EPS8L1: variants seen among roughly 807,000 people sequenced by gnomAD.
EPS8L1 encodes the protein epidermal growth factor receptor kinase substrate 8-like protein 1.
EPS8L1 carries 101 observed loss-of-function variants against 91.7 expected under a neutral mutation model. The observed-to-expected ratio is 1.10, with a 90% confidence interval of 0.94 to 1.30. EPS8L1 has a LOEUF of 1.30. Among genes scored for constraint, EPS8L1 ranks in the 50% most tolerant of loss-of-function variants. The pLI is 0.00. For missense variants in EPS8L1, 1,114 were observed against 1,017.0 expected, an observed-to-expected ratio of 1.10 and a Z score of -1.30; for synonymous variants, 506 against 445.3, an observed-to-expected ratio of 1.14 and a Z score of -1.72.
In EPS8L1 at chr19:55,082,721, TGGCTTAGTTGTGTTGGGGCGG is replaced by T. The variant is rs2076296949; in HGVS notation, c.1214+127_1214+147del. On this transcript the variant is annotated intron_variant, in intron 12 of 19. Transcript: ENST00000201647. Reference sequence around the variant, plus strand: ...GGAGAGTAGGGAGGGGTTAGAGGCGTGGCTTAGTTGTGTTGGGGCGGGGCTTAGGACAGATGCCAAGATTCA... The same window carrying T: ...GGAGAGTAGGGAGGGGTTAGAGGCGTGGCTTAGGACAGATGCCAAGATTCA... The T allele has an allele frequency of 8.6e-6, 8 of 932,086 alleles. No individual in the cohort carries two copies. In the South Asian group the frequency reaches 1.4e-4, roughly 16 times the overall value. The allele number at this position is 932,086 out of a possible 1,614,324, so 57.7% of individuals were successfully genotyped here. A position where few individuals can be genotyped will look rare whatever the true frequency, so the allele number is the denominator to read the frequency against.
Position 55,082,177 on chromosome 19 carries a change from G to T in EPS8L1, c.987G>T (p.Leu329=). ...AGAAGATCAAGTACGCCTTCAGCCT[G>T]CTGGTGAGGACGCGCCCGCCCCTGG... ...VLQKIKYAFS[L]LARLRGNIAD... Residue 329 remains leucine (L), a synonymous_variant, in exon 10 of 20, where the codon CTG becomes CTT. Transcript: ENST00000201647. 1 of 1,596,608 alleles carries T rather than the reference G, an allele frequency of 6.3e-7. No homozygotes were observed. The highest frequency in any genetic ancestry group is 8.5e-7 in the Non-Finnish European group (1 of 1,171,838).
Position 55,079,862 on chromosome 19 carries a change from G to T in EPS8L1, c.279+11G>T, listed in dbSNP as rs201391252. 3 of 1,605,200 alleles carry T rather than the reference G, an allele frequency of 1.9e-6. No homozygotes were observed. The highest frequency in any genetic ancestry group is 1.7e-6 in the Non-Finnish European group (2 of 1,175,892). On this transcript the variant is annotated intron_variant, in intron 5 of 19. Transcript: ENST00000201647. ...GACCCGGCCTCCAAGGTGCCGGGGG[G>T]CACGTGGGTGGGAGGAGTGTCTGGG...
chr19:55,086,200 A>C lies in EPS8L1; in HGVS notation c.1650+8A>C, dbSNP rs780886856. ...AGCCCTGCCCGCAGCCTGGTGAGCC[A>C]GCGCAGACGCTGGGATCTTGAGGGT... is the stretch of plus-strand genomic sequence containing the variant. On this transcript the variant is annotated splice_region_variant and intron_variant, in intron 16 of 19. Transcript: ENST00000201647. The C allele has an allele frequency of 6.3e-7, 1 of 1,592,522 alleles. No individual in the cohort carries two copies. The highest frequency in any genetic ancestry group is 8.6e-7 in the Non-Finnish European group (1 of 1,168,992).
chr19:55,086,820 G>C lies in EPS8L1; in HGVS notation c.1884G>C (p.Pro628=). ...RAVPGPRAPE[P]QLSPGSDASE... is the part of the protein sequence containing the mutation. ...TCCCAGGGCCCCGCGCCCCGGAACC[G>C]CAGCTCAGCCCGGGCTCGGACGCCT... Residue 628 remains proline, a synonymous_variant, in exon 18 of 20, where the codon CCG becomes CCC. Coordinates refer to ENST00000201647, the MANE Select transcript of EPS8L1 (RefSeq NM_133180.3). 6.3e-7 allele frequency: 1 copy of C among 1,575,816 alleles called. No individual in the cohort carries two copies. The highest frequency in any genetic ancestry group is 8.6e-7 in the Non-Finnish European group (1 of 1,161,786).
chr19:55,076,381 G>A, intron 1 of EPS8L1, 27 bp from the exon 2 acceptor site: 1 of 1,602,014 alleles, frequency 6.2e-7, no homozygotes, highest in South Asian at 1.1e-5. Context: ...CTACTGGCCA[G>A]GCCTTCACAT....
intron 7 of EPS8L1, 73 bp downstream of exon 7, chr19:55,080,927 G>A: frequency 7.3e-7 from 1 of 1,365,802 alleles, no homozygotes; most frequent in South Asian, 1.4e-5. Context: ...TACAACACCA[G>A]CCTGGAACAG....
At position 55,080,941 on chromosome 19, in the gene EPS8L1, AAG is replaced by A. The variant is rs2076245210; in HGVS notation, c.512+90_512+91del. The A allele has an allele frequency of 2.9e-5, 37 of 1,296,050 alleles. No individual in the cohort carries two copies. In the South Asian group the frequency reaches 5.3e-4, roughly 18 times the overall value. The allele number at this position is 1,296,050 out of a possible 1,614,324, so 80.3% of individuals were successfully genotyped here. A position where few individuals can be genotyped will look rare whatever the true frequency, so the allele number is the denominator to read the frequency against. Reference sequence around the variant, plus strand: ...CTACAACACCAGCCTGGAACAGAACAAGAGTTTTGCATGGAGTCAAGCACACC... The same window carrying A: ...CTACAACACCAGCCTGGAACAGAACAAGTTTTGCATGGAGTCAAGCACACC... On this transcript the variant is annotated intron_variant, in intron 7 of 19. Coordinates refer to ENST00000201647, the MANE Select transcript of EPS8L1 (RefSeq NM_133180.3).
At position 55,080,156 on chromosome 19, in the gene EPS8L1, G is replaced by T. The variant is rs779706284; in HGVS notation, c.307G>T (p.Ala103Ser). ...GGAGCTGGAGTCGTACCCACTGGGC[G>T]CCATCGTGCGCTGTGACGCGGTGAT... ...KEELESYPLG[A>S]IVRCDAVMPP... The change falls in exon 6 of 20, where the codon GCC (alanine) becomes TCC (serine). Residue 103 changes from alanine to serine, a missense_variant. Coordinates refer to ENST00000201647, the MANE Select transcript of EPS8L1 (RefSeq NM_133180.3). 5.3e-6 allele frequency: 8 copies of T among 1,518,344 alleles called. No homozygotes were observed. Among genetic ancestry groups the T allele is most frequent in the Non-Finnish European group, 7.1e-6 (8 of 1,126,472 alleles). 94.1% of individuals were successfully genotyped at this position (1,518,344 alleles called of 1,614,324 possible).
At chr19:55,085,788 A>G (rs1037447470) in intron 14 of EPS8L1, 53 bp from the exon 15 acceptor site, 4 of 1,582,190 alleles carry the variant, frequency 2.5e-6, no homozygotes, top group Non-Finnish European at 2.6e-6. Context: ...CCTGCAGCCC[A>G]GAGCAATGGG....
At position 55,079,837 on chromosome 19, in the gene EPS8L1, G is replaced by C; in HGVS notation, c.265G>C (p.Asp89His). 6.2e-7 allele frequency: 1 copy of C among 1,612,766 alleles called. No homozygotes were observed. The highest frequency in any genetic ancestry group is 8.5e-7 in the Non-Finnish European group (1 of 1,179,424). The change falls in exon 5 of 20, where the codon GAC becomes CAC. Residue 89 changes from aspartate to histidine, a missense_variant. Asp to His is a moderately conservative substitution (Grantham distance 81). Transcript: ENST00000201647. ...RVSPDHVTLLDPASKEELESY... is the reference protein window; with the variant it reads ...RVSPDHVTLLHPASKEELESY... ...GTCTCCCGACCATGTCACGCTGCTC[G>C]ACCCGGCCTCCAAGGTGCCGGGGGG...
intron 5 of EPS8L1, 36 bp downstream of exon 5, chr19:55,079,887 G>A: frequency 6.3e-7 from 1 of 1,579,178 alleles, no homozygotes; most frequent in South Asian, 1.1e-5. Flanking sequence ...GAGTGTCTGG[G>A]GCAGGGACTT....
chr19:55,081,315 G>T lies in EPS8L1; in HGVS notation c.597G>T (p.Val199=), dbSNP rs1235097238. ...PLQRRPSVRA[V]ISTVERGAGR... ...AGCGCCGCCCGTCAGTCCGCGCAGTGATCAGCACCGTAGAGCGGGGCGCGG... is the reference window on the plus strand; with the variant it reads ...AGCGCCGCCCGTCAGTCCGCGCAGTTATCAGCACCGTAGAGCGGGGCGCGG... The change falls in exon 8 of 20, where the codon GTG becomes GTT. Residue 199 remains valine, a synonymous_variant. Transcript: ENST00000201647. The surrounding 1 kb of genome is among the most constrained non-coding windows in gnomAD (Gnocchi z 4.9). 3 of 1,557,044 alleles carry T rather than the reference G, an allele frequency of 1.9e-6. No homozygotes were observed. Among genetic ancestry groups the T allele is most frequent in the East Asian group, 2.3e-5 (1 of 42,742 alleles).
In EPS8L1 at chr19:55,079,682, C is replaced by T. The variant is rs187625015; in HGVS notation, c.118-8C>T. ...GGGCCTCACTGCTTTCTCCATGGTC[C>T]GTACCAGCACCTGGTGACGTTCTGC... is the stretch of plus-strand genomic sequence containing the variant. On this transcript the variant is annotated splice_polypyrimidine_tract_variant and splice_region_variant and intron_variant, in intron 4 of 19. Transcript: ENST00000201647. The T allele has an allele frequency of 6.2e-6, 10 of 1,612,290 alleles. No individual in the cohort carries two copies. Among genetic ancestry groups the T allele is most frequent in the South Asian group, 3.3e-5 (3 of 90,786 alleles).
rs764339121 is a variant in EPS8L1 at position 55,082,293 on chromosome 19, A to C, written c.1009A>C (p.Ile337Leu). 8.1e-6 allele frequency: 13 copies of C among 1,612,170 alleles called. No individual in the cohort carries two copies. Among genetic ancestry groups the C allele is most frequent in the Non-Finnish European group, 1.1e-5 (13 of 1,179,626 alleles). ...GCCCCAGGCCCGGCTGCGCGGCAAC[A>C]TCGCCGACCCCTCCTCTCCGGAGCT... ...FSLLARLRGNIADPSSPELLH... is the reference protein window; with the variant it reads ...FSLLARLRGNLADPSSPELLH... Residue 337 changes from isoleucine to leucine, a missense_variant, in exon 11 of 20, where the codon ATC becomes CTC. Coordinates refer to ENST00000201647, the MANE Select transcript of EPS8L1 (RefSeq NM_133180.3).
rs1410731910 is a variant in EPS8L1, at chr19:55,075,915, G to A, written c.-42G>A. Reference sequence around the variant, plus strand: ...CGGAGAGCAGGGCAGAGCCTGAGCAGGCAGGTAAGGAGATCCGGGTCAGGA... The same window carrying A: ...CGGAGAGCAGGGCAGAGCCTGAGCAAGCAGGTAAGGAGATCCGGGTCAGGA... On this transcript the variant is annotated 5_prime_UTR_variant, in exon 1 of 20. Coordinates refer to ENST00000201647, the MANE Select transcript of EPS8L1 (RefSeq NM_133180.3). The A allele has an allele frequency of 6.4e-6, 1 of 156,488 alleles. No individual in the cohort carries two copies. The highest frequency in any genetic ancestry group is 1.4e-5 in the Non-Finnish European group (1 of 71,094). 9.7% of individuals were successfully genotyped at this position (156,488 alleles called of 1,614,324 possible).
At chr19:55,082,945 C>T (rs984017830) in intron 12 of EPS8L1, among the ~76,000 whole-genome samples, 4 of 152,092 alleles carry the variant, frequency 2.6e-5, no homozygotes, top group Admixed American at 6.5e-5. Context: ...GGTGATGGGA[C>T]AGAGTCTGTG....
At chr19:55,080,925 C>A in intron 7 of EPS8L1, 71 bp downstream of exon 7, 1 of 1,359,760 alleles carries the variant, frequency 7.4e-7, no homozygotes, top group East Asian at 2.4e-5. Flanking sequence ...TCTACAACAC[C>A]AGCCTGGAAC....
intron 10 of EPS8L1, 44 bp downstream of exon 10, chr19:55,082,224 A>G (rs755141084): frequency 1.3e-6 from 2 of 1,597,426 alleles, no homozygotes; most frequent in Non-Finnish European, 1.7e-6. Flanking sequence ...GGCACGACGA[A>G]CCTGTCCCGT....
At chr19:55,086,371 C>A in intron 16 of EPS8L1, 21 bp from the exon 17 acceptor site, 1 of 1,591,384 alleles carries the variant, frequency 6.3e-7, no homozygotes, top group Non-Finnish European at 8.6e-7. Flanking sequence ...AACCCAGGTA[C>A]TCTCCTCTCC....
Sources: allele counts gnomAD v4.1 joint callset (sites outside exome capture counted in the v4.1 genomes callset), GRCh38; gene constraint gnomAD v4.1.1; non-coding constraint Gnocchi (gnomAD v3.1); transcripts MANE v1.5; gene names NCBI Gene and HGNC (gene_info 2026-07-23, HGNC 2026-07-21).